Variants in EPHA5 observed in about 807,000 individuals in gnomAD.
EPHA5 encodes the protein EPH receptor A5, also known as ephrin type-A receptor 5.
Under a neutral mutation model 105.0 loss-of-function variants are expected in EPHA5, and 60 were observed. The ratio of observed to expected loss-of-function variants is 0.57; its 90% CI spans 0.46 to 0.71. EPHA5 has a LOEUF of 0.71. EPHA5 is among the 30% of genes least tolerant of loss of function. The pLI is 0.00. For synonymous variants in EPHA5, 513 were observed against 449.1 expected (o/e 1.14, Z -1.80); for missense variants, 1,218 against 1,274.7 (o/e 0.96, Z 0.68).
intron 3 of EPHA5, among the ~76,000 whole-genome samples, chr4:65,564,525 G>T (rs1409907201): frequency 6.6e-6 from 1 of 151,496 alleles, no homozygotes; most frequent in African/African-American, 2.4e-5. Context: ...TGTTTTTATT[G>T]TATCATTTTA....
intron 2 of EPHA5, among the ~76,000 whole-genome samples, chr4:65,623,909 T>C (rs1375526956): frequency 1.3e-5 from 2 of 152,218 alleles, no homozygotes; most frequent in African/African-American, 2.4e-5. Flanking sequence ...AACAACACTA[T>C]GGCAAACATT....
chr4:65,535,397 G>A (rs1055330192), intron 3 of EPHA5, among the ~76,000 whole-genome samples: 4 of 152,060 alleles, frequency 2.6e-5, no homozygotes, highest in African/African-American at 4.8e-5. Context: ...CTGCCCGCAC[G>A]TAGTTGAACA....
intron 3 of EPHA5, among the ~76,000 whole-genome samples, chr4:65,510,031 CTTT>C (rs11300558): frequency 0.22 from 26,463 of 119,026 alleles, 2,615 homozygotes; most frequent in Middle Eastern, 0.32. Context: ...ATACATACTT[CTTT>C]TTTTTTTTTT....
chr4:65,654,256 A>T (rs1051205174), intron 1 of EPHA5, among the ~76,000 whole-genome samples: 1 of 150,678 alleles, frequency 6.6e-6, no homozygotes, highest in Non-Finnish European at 1.5e-5. Flanking sequence ...AAAAAAAAAC[A>T]AAACTATTTT....
At chr4:65,609,431 T>C (rs529094034) in intron 2 of EPHA5, among the ~76,000 whole-genome samples, 21 of 152,298 alleles carry the variant, frequency 1.4e-4, no homozygotes, top group Non-Finnish European at 2.6e-4. Context: ...ATTTGATTAC[T>C]TTATTGCCTG....
chr4:65,622,950 A>G (rs899755117), intron 2 of EPHA5, among the ~76,000 whole-genome samples: 1 of 152,158 alleles, frequency 6.6e-6, no homozygotes, highest in Admixed American at 6.5e-5. Context: ...AGAACTGTTA[A>G]GCCAGTGTAT....
At chr4:65,354,037 T>C (rs1207107226) in intron 11 of EPHA5, among the ~76,000 whole-genome samples, 1 of 151,766 alleles carries the variant, frequency 6.6e-6, no homozygotes, top group Non-Finnish European at 1.5e-5. Flanking sequence ...TCACTTATTA[T>C]TATGGATCCC....
At chr4:65,565,468 G>C (rs1739439715) in intron 3 of EPHA5, among the ~76,000 whole-genome samples, 1 of 151,496 alleles carries the variant, frequency 6.6e-6, no homozygotes, top group Admixed American at 6.6e-5. Flanking sequence ...TTTAATAAGA[G>C]ATTTCCAATA....
intron 5 of EPHA5, among the ~76,000 whole-genome samples, chr4:65,470,192 T>A (rs1286868444): frequency 1.4e-5 from 2 of 147,172 alleles, no homozygotes; most frequent in Non-Finnish European, 3.0e-5. Context: ...TTTCTTTCTT[T>A]GTTTTTTTTT....
chr4:65,345,182 A>G (rs1722097109), intron 14 of EPHA5, among the ~76,000 whole-genome samples: 1 of 152,178 alleles, frequency 6.6e-6, no homozygotes, highest in Non-Finnish European at 1.5e-5. Context: ...TGAAGACAAT[A>G]TATACCATTT....
intron 5 of EPHA5, among the ~76,000 whole-genome samples, chr4:65,460,406 G>C (rs1018104670): frequency 1.3e-5 from 2 of 150,804 alleles, no homozygotes; most frequent in African/African-American, 4.8e-5. Flanking sequence ...TTATGTCTCA[G>C]ATTTTTAGCT....
intron 5 of EPHA5, among the ~76,000 whole-genome samples, chr4:65,481,593 T>G (rs1730369309): frequency 6.6e-6 from 1 of 152,320 alleles, no homozygotes; most frequent in Non-Finnish European, 1.5e-5. Context: ...TGACCAAATC[T>G]ATTATTTCAT....
chr4:65,531,568 T>C (rs982276486), intron 3 of EPHA5, among the ~76,000 whole-genome samples: 1 of 150,150 alleles, frequency 6.7e-6, no homozygotes, highest in African/African-American at 2.4e-5. Flanking sequence ...GAGGATATAC[T>C]GAGATGTCTT....
chr4:65,572,124 C>T (rs1740254691), intron 3 of EPHA5, among the ~76,000 whole-genome samples: 1 of 151,928 alleles, frequency 6.6e-6, no homozygotes, highest in South Asian at 2.1e-4. Context: ...AAAATATCTT[C>T]AGAAATAACG....
At chr4:65,498,724 C>T (rs572284228) in intron 3 of EPHA5, among the ~76,000 whole-genome samples, 2 of 151,724 alleles carry the variant, frequency 1.3e-5, no homozygotes, top group Admixed American at 1.3e-4. Context: ...TCTCAGAGAA[C>T]AGGACATGAA....
rs770587480 is a variant in EPHA5, at chr4:65,490,482, C to T, written c.1297G>A (p.Ala433Thr). 8 of 1,614,106 alleles carry T rather than the reference C, an allele frequency of 5.0e-6. No individual in the cohort carries two copies. The highest frequency in any genetic ancestry group is 1.7e-5 in the Admixed American group (1 of 60,016). Residue 433 changes from alanine (A) to threonine (T), a missense_variant, in exon 5 of 17, where the codon GCT (alanine) becomes ACT (threonine). Around this residue, in one of 3 missense-constraint regions of EPHA5, gnomAD observed 971 missense variants for 1,013.5 expected, o/e 0.96. Coordinates refer to ENST00000613740, the MANE Select transcript of EPHA5 (RefSeq NM_001281766.3). Reference sequence around the variant, plus strand: ...ATCTCAAAGGTATAGTTTGTGTGAGCGAGTAGATCCACCATCATGACAGAG... The same window carrying T: ...ATCTCAAAGGTATAGTTTGTGTGAGTGAGTAGATCCACCATCATGACAGAG... ...NTSVMMVDLL[A>T]HTNYTFEIEA...
intron 5 of EPHA5, among the ~76,000 whole-genome samples, chr4:65,442,562 G>T (rs910690837): frequency 3.3e-5 from 5 of 152,140 alleles, no homozygotes; most frequent in Non-Finnish European, 5.9e-5. Context: ...ATATATCAGT[G>T]CCATTCTGTG....
intron 3 of EPHA5, among the ~76,000 whole-genome samples, chr4:65,579,657 C>T (rs1741422200): frequency 6.6e-6 from 1 of 151,552 alleles, no homozygotes; most frequent in Non-Finnish European, 1.5e-5. Context: ...TAAAATACAC[C>T]ATTGACTAAT....
chr4:65,576,220 T>C (rs185084829), intron 3 of EPHA5, among the ~76,000 whole-genome samples: 2 of 151,612 alleles, frequency 1.3e-5, no homozygotes, highest in East Asian at 1.9e-4. Context: ...TGATCAAGGG[T>C]ATGCATGACA....
Sources: allele counts gnomAD v4.1 joint callset (sites outside exome capture counted in the v4.1 genomes callset), GRCh38; gene constraint gnomAD v4.1.1; regional missense constraint gnomAD v4.1.1; transcripts MANE v1.5; gene names NCBI Gene and HGNC (gene_info 2026-07-23, HGNC 2026-07-21).